The following IFT122 variants were observed in gnomAD, a reference collection of about 807,000 sequenced individuals.
IFT122 encodes the protein intraflagellar transport protein 122 homolog.
Under a neutral mutation model 161.6 loss-of-function variants are expected in IFT122, and 118 were observed. The ratio of observed to expected loss-of-function variants is 0.73; its 90% CI spans 0.63 to 0.85. The LOEUF is 0.85. Ranked by LOEUF, IFT122 falls within the 40% of genes least tolerant of loss-of-function variation. The pLI, the probability that IFT122 is intolerant of heterozygous loss-of-function variation, is 0.00. For missense variants in IFT122, 1,381 were observed against 1,579.6 expected (o/e 0.87, Z 2.13); for synonymous variants, 550 against 602.4 (o/e 0.91, Z 1.27).
intron 3 of IFT122, among the ~76,000 whole-genome samples, chr3:129,452,448 G>T (rs1458123783): frequency 6.6e-6 from 1 of 152,182 alleles, no homozygotes; most frequent in Non-Finnish European, 1.5e-5. Flanking sequence ...TATTGAATTA[G>T]ACTAGTGAGG....
chr3:129,514,217 C>T (rs185522240), intron 24 of IFT122, 172 bp from the exon 25 acceptor site: 87 of 745,734 alleles, frequency 1.2e-4, no homozygotes, highest in African/African-American at 1.1e-3. Flanking sequence ...CCTTGCCATC[C>T]GAGAAGTACA....
At chr3:129,464,513 C>T in intron 6 of IFT122, 122 bp from the exon 7 acceptor site, 1 of 1,131,886 alleles carries the variant, frequency 8.8e-7, no homozygotes, top group Non-Finnish European at 1.3e-6. Flanking sequence ...ATAATGAAAC[C>T]ATATCCCAGC....
At chr3:129,463,271 G>A in intron 5 of IFT122, 3 of 373,570 alleles carry the variant, frequency 8.0e-6, no homozygotes, top group South Asian at 2.5e-5. Flanking sequence ...ACAGAACTAA[G>A]CCATCACCAT....
At chr3:129,478,568 C>T (rs543555791) in intron 12 of IFT122, among the ~76,000 whole-genome samples, 4 of 152,280 alleles carry the variant, frequency 2.6e-5, no homozygotes, top group African/African-American at 9.6e-5. Context: ...GGTCTTCCTC[C>T]TGAGTAGCTG....
At chr3:129,458,528 C>G in intron 3 of IFT122, 71 bp from the exon 4 acceptor site, 1 of 1,330,514 alleles carries the variant, frequency 7.5e-7, no homozygotes, top group Non-Finnish European at 1.1e-6. Flanking sequence ...AACTAGTTTT[C>G]TAAAGAATTC....
At chr3:129,492,070 C>A in intron 16 of IFT122, 71 bp from the exon 17 acceptor site, 3 of 1,153,606 alleles carry the variant, frequency 2.6e-6, no homozygotes, top group Non-Finnish European at 3.9e-6. Flanking sequence ...CTTGACTTCC[C>A]ACCCCTAGCC....
chr3:129,460,858 T>C (rs750451568), intron 4 of IFT122: 10 of 1,613,292 alleles, frequency 6.2e-6, no homozygotes, highest in Non-Finnish European at 8.5e-6. Flanking sequence ...TTCCAGATCT[T>C]GGTCTGTGAT....
intron 18 of IFT122, among the ~76,000 whole-genome samples, chr3:129,497,196 A>G (rs186552955): frequency 3.1e-4 from 47 of 152,310 alleles, no homozygotes; most frequent in Admixed American, 1.4e-3. Context: ...TGAGCCCCAG[A>G]GGTGGAAGTT....
At chr3:129,468,951 A>G (rs765843525) in intron 8 of IFT122, among the ~76,000 whole-genome samples, 1 of 152,194 alleles carries the variant, frequency 6.6e-6, no homozygotes, top group Non-Finnish European at 1.5e-5. Context: ...GCTGCAAGAG[A>G]TGTTTCTCTG....
chr3:129,454,321 T>G (rs1158519080), intron 3 of IFT122, among the ~76,000 whole-genome samples: 1 of 150,322 alleles, frequency 6.7e-6, no homozygotes, highest in African/African-American at 2.5e-5. Flanking sequence ...AAGGCAGGAG[T>G]TTGAGACCAG....
At chr3:129,468,132 C>T (rs151267851) in intron 8 of IFT122, among the ~76,000 whole-genome samples, 14 of 152,330 alleles carry the variant, frequency 9.2e-5, no homozygotes, top group African/African-American at 1.2e-4. Flanking sequence ...ACATCCCTCT[C>T]GGTCTTTGTC....
At chr3:129,501,806 C>A (rs1176117590) in intron 19 of IFT122, among the ~76,000 whole-genome samples, 1 of 152,190 alleles carries the variant, frequency 6.6e-6, no homozygotes, top group African/African-American at 2.4e-5. Context: ...AAAAACGTGT[C>A]CTTTTTCTGC....
chr3:129,478,670 G>A (rs994798348), intron 12 of IFT122, among the ~76,000 whole-genome samples: 6 of 152,110 alleles, frequency 3.9e-5, no homozygotes, highest in African/African-American at 1.4e-4. Context: ...CGGGAGGAAT[G>A]CTTGAACCCA....
intron 24 of IFT122, 25 bp downstream of exon 24, chr3:129,512,437 C>T (rs369095286): frequency 7.0e-5 from 103 of 1,467,086 alleles, no homozygotes; most frequent in South Asian, 1.8e-4. Flanking sequence ...ATCCCTCCTC[C>T]GTCCCACCAC....
At chr3:129,512,600 A>G (rs914155796) in intron 24 of IFT122, 188 bp downstream of exon 24, 3 of 630,942 alleles carry the variant, frequency 4.8e-6, no homozygotes, top group Non-Finnish European at 8.5e-6. Context: ...GGCCCAGGCC[A>G]AGAGAAGATG....
intron 22 of IFT122, among the ~76,000 whole-genome samples, chr3:129,507,027 C>T (rs977994331): frequency 6.6e-6 from 1 of 152,172 alleles, no homozygotes; most frequent in African/African-American, 2.4e-5. Context: ...TGTTCTTCTC[C>T]ACTGGACAAG....
At chr3:129,474,574 C>G (rs1413556631) in intron 9 of IFT122, among the ~76,000 whole-genome samples, 6 of 152,016 alleles carry the variant, frequency 3.9e-5, no homozygotes. Flanking sequence ...GGAGATGACA[C>G]CTGGCAGACA....
At chr3:129,468,225 C>T (rs1361193165) in intron 8 of IFT122, among the ~76,000 whole-genome samples, 2 of 152,204 alleles carry the variant, frequency 1.3e-5, no homozygotes, top group Non-Finnish European at 2.9e-5. Context: ...ACCTTGCCTG[C>T]CTACATATCC....
At chr3:129,469,554 C>A in intron 9 of IFT122, 137 bp downstream of exon 9, 2 of 744,326 alleles carry the variant, frequency 2.7e-6, no homozygotes, top group Non-Finnish European at 4.8e-6. Context: ...AGATACTGTG[C>A]TCACTGCTTT....
Sources: gnomAD v4.1 joint callset for allele counts (sites outside exome capture counted in the v4.1 genomes callset) on GRCh38, gnomAD v4.1.1 for gene constraint, MANE v1.5 for transcripts, NCBI Gene and HGNC (gene_info 2026-07-23, HGNC 2026-07-21) for gene names.